Variants in LRRIQ3 observed in about 807,000 individuals in gnomAD.
LRRIQ3 encodes leucine-rich repeat and IQ domain-containing protein 3.
Under a neutral mutation model 59.3 loss-of-function variants are expected in LRRIQ3, and 75 were observed. That is an observed-to-expected ratio of 1.26 (90% CI 1.05 to 1.53). The LOEUF is 1.53. Ranked by LOEUF, LRRIQ3 falls within the 40% of genes most tolerant of loss-of-function variation. The pLI is 0.00. For synonymous variants in LRRIQ3, 250 were observed against 231.3 expected (o/e 1.08, Z -0.73); for missense variants, 831 against 710.0 (o/e 1.17, Z -1.94).
intron 6 of LRRIQ3, among the ~76,000 whole-genome samples, chr1:74,045,770 G>A (rs944759707): frequency 3.3e-5 from 5 of 151,940 alleles, no homozygotes; most frequent in African/African-American, 1.2e-4. Context: ...AAGTCTCAGG[G>A]TACAAAATCA....
At chr1:74,092,592 A>G (rs920657039) in intron 5 of LRRIQ3, among the ~76,000 whole-genome samples, 1 of 152,012 alleles carries the variant, frequency 6.6e-6, no homozygotes, top group African/African-American at 2.4e-5. Flanking sequence ...CAAATACCGT[A>G]ATTGAGTGTG....
intron 4 of LRRIQ3, among the ~76,000 whole-genome samples, chr1:74,131,735 A>C (rs552410734): frequency 6.6e-6 from 1 of 152,244 alleles, no homozygotes; most frequent in Admixed American, 6.6e-5. Flanking sequence ...TCAAAATAAT[A>C]AAGAGCTATT....
chr1:74,187,418 A>C (rs551022436), intron 1 of LRRIQ3, among the ~76,000 whole-genome samples: 2 of 152,092 alleles, frequency 1.3e-5, no homozygotes, highest in Admixed American at 1.3e-4. Context: ...AAGGAACAAA[A>C]CAATGTCTTC....
At position 74,029,763 on chromosome 1, in the gene LRRIQ3, G is replaced by A. The variant is rs540317365; in HGVS notation, c.1719-2794C>T. Among the ~76,000 whole-genome samples the A allele has an allele frequency of 3.9e-3, 586 of 151,940 alleles. 5 individuals are homozygous for A. Among genetic ancestry groups the A allele is most frequent in the African/African-American group, 0.013 (553 of 41,462 alleles). ...TTTTTCTATTGATTGGAATAATTTC[G>A]GAAGAAATGGTACCAGCTCCTTCTT... On this transcript the variant is annotated intron_variant, in intron 7 of 7. Coordinates refer to ENST00000354431, the MANE Select transcript of LRRIQ3 (RefSeq NM_001105659.2).
chr1:74,071,279 A>G (rs1370683171), intron 6 of LRRIQ3, among the ~76,000 whole-genome samples: 2 of 151,836 alleles, frequency 1.3e-5, no homozygotes, highest in African/African-American at 4.8e-5. Flanking sequence ...TGTTCCTCCT[A>G]CCTTGGCCTC....
chr1:74,146,176 CAATGACAA>C (rs1405024304), intron 4 of LRRIQ3, among the ~76,000 whole-genome samples: 2 of 152,008 alleles, frequency 1.3e-5, no homozygotes, highest in African/African-American at 4.8e-5. Context: ...TGGGTTCACA[CAATGACAA>C]AATCACCTAA....
At chr1:74,181,008 T>G in intron 3 of LRRIQ3, 3 of 510,270 alleles carry the variant, frequency 5.9e-6, no homozygotes, top group Non-Finnish European at 1.0e-5. Context: ...TCCCTTGGAC[T>G]TAATGAGGAC....
intron 1 of LRRIQ3, among the ~76,000 whole-genome samples, chr1:74,184,332 AT>A (rs1650213996): frequency 6.6e-6 from 1 of 152,108 alleles, no homozygotes; most frequent in Non-Finnish European, 1.5e-5. Flanking sequence ...TTTTAATATA[AT>A]TTTACACAGT....
At chr1:74,037,677 A>C (rs1653913599) in intron 7 of LRRIQ3, among the ~76,000 whole-genome samples, 1 of 152,084 alleles carries the variant, frequency 6.6e-6, no homozygotes, top group Non-Finnish European at 1.5e-5. Context: ...AACAACAAAA[A>C]ACAAGAACTG....
chr1:74,106,123 A>G (rs565926057), intron 5 of LRRIQ3, among the ~76,000 whole-genome samples: 1 of 152,154 alleles, frequency 6.6e-6, no homozygotes, highest in South Asian at 2.1e-4. Flanking sequence ...TCCAATTTTC[A>G]TGCCTCAAGG....
At chr1:74,151,425 C>CT (rs1647944925) in intron 4 of LRRIQ3, among the ~76,000 whole-genome samples, 1 of 151,972 alleles carries the variant, frequency 6.6e-6, no homozygotes, top group South Asian at 2.1e-4. Flanking sequence ...TACAACAGTA[C>CT]TATGTGACAA....
At chr1:74,066,874 A>G (rs1406988074) in intron 6 of LRRIQ3, among the ~76,000 whole-genome samples, 1 of 152,154 alleles carries the variant, frequency 6.6e-6, no homozygotes, top group African/African-American at 2.4e-5. Context: ...CATCTGAAAC[A>G]TAAGCTAGCT....
At chr1:74,072,979 AC>A (rs1285104137) in intron 6 of LRRIQ3, among the ~76,000 whole-genome samples, 1 of 152,146 alleles carries the variant, frequency 6.6e-6, no homozygotes, top group Admixed American at 6.6e-5. Flanking sequence ...AATTTTTGAT[AC>A]TCAGAAGGTT....
intron 4 of LRRIQ3, among the ~76,000 whole-genome samples, chr1:74,113,797 G>A (rs556318602): frequency 2.0e-5 from 3 of 151,816 alleles, no homozygotes; most frequent in African/African-American, 7.2e-5. Flanking sequence ...TTCTCTTTAG[G>A]CTGAAGTCAA....
chr1:74,027,416 G>T (rs1394057478), intron 7 of LRRIQ3, among the ~76,000 whole-genome samples: 2 of 152,048 alleles, frequency 1.3e-5, no homozygotes, highest in Non-Finnish European at 2.9e-5. Context: ...TATATGGGTA[G>T]GTCCTAATCC....
chr1:74,046,323 T>A (rs1570021646), intron 6 of LRRIQ3, among the ~76,000 whole-genome samples: 1 of 152,020 alleles, frequency 6.6e-6, no homozygotes, highest in Non-Finnish European at 1.5e-5. Context: ...AACAATCTGA[T>A]CTTCAACAAA....
rs574099294 is a variant in LRRIQ3, at chr1:74,171,639, T to A, written c.573+10899A>T. On this transcript the variant is annotated intron_variant, in intron 3 of 7. Transcript: ENST00000354431. ...TGTTTTTGCCTGGCTTTGGTAGCAGTGTAATGCTGGACTTATAACATGAGT... is the reference window on the plus strand; with the variant it reads ...TGTTTTTGCCTGGCTTTGGTAGCAGAGTAATGCTGGACTTATAACATGAGT... 5.3e-5 allele frequency among the ~76,000 whole-genome samples: 8 copies of A among 152,282 alleles called. No individual in the cohort carries two copies. The East Asian group carries it at 1.4e-3, about 26-fold the overall frequency.
intron 3 of LRRIQ3, among the ~76,000 whole-genome samples, chr1:74,158,060 T>G (rs1648446603): frequency 1.3e-5 from 2 of 152,120 alleles, no homozygotes; most frequent in South Asian, 4.1e-4. Flanking sequence ...TTTTTATGCT[T>G]CCTGGCATGC....
In LRRIQ3 at chr1:74,179,078, A is replaced by G. The variant is rs373078518; in HGVS notation, c.573+3460T>C. 8.5e-5 allele frequency among the ~76,000 whole-genome samples: 13 copies of G among 152,292 alleles called. No individual in the cohort carries two copies. In the South Asian group the frequency reaches 1.4e-3, roughly 17 times the overall value. ...ATCCTTGTTTAGATGGATTTCTATT[A>G]CATGTAAACAAAACGCAATACTGGC... On this transcript the variant is annotated intron_variant, in intron 3 of 7. Transcript: ENST00000354431.
Sources: gnomAD v4.1 joint callset for allele counts (sites outside exome capture counted in the v4.1 genomes callset) on GRCh38, gnomAD v4.1.1 for gene constraint, MANE v1.5 for transcripts, NCBI Gene and HGNC (gene_info 2026-07-23, HGNC 2026-07-21) for gene names.